Variants in STIM1 observed in about 807,000 individuals in gnomAD.
STIM1 encodes stromal interaction molecule 1.
In STIM1, 25 loss-of-function variants were observed where a neutral mutation model predicts 74.7. That is an observed-to-expected ratio of 0.33 (90% confidence interval 0.24 to 0.47). The LOEUF is 0.47. STIM1 is among the 20% of genes least tolerant of loss of function. The pLI is 1.00. For synonymous variants in STIM1, 328 were observed against 348.8 expected (o/e 0.94, Z 0.66); for missense variants, 728 against 920.8 (o/e 0.79, Z 2.71).
chr11:4,071,517 A>AT (rs1448452326), intron 6 of STIM1, among the ~76,000 whole-genome samples: 1 of 151,500 alleles, frequency 6.6e-6, no homozygotes, highest in Non-Finnish European at 1.5e-5. Flanking sequence ...TAATTTTTTT[A>AT]TTTTTTGTAG....
intron 3 of STIM1, among the ~76,000 whole-genome samples, chr11:4,051,694 T>C (rs1007969542): frequency 3.3e-5 from 5 of 152,100 alleles, no homozygotes; most frequent in Non-Finnish European, 5.9e-5. Flanking sequence ...TCACTCAGGC[T>C]AGAGTGCAGT....
At chr11:3,945,491 C>T (rs191497107) in intron 1 of STIM1, among the ~76,000 whole-genome samples, 1,594 of 152,034 alleles carry the variant, frequency 0.01, 14 homozygotes, top group Non-Finnish European at 0.018. Flanking sequence ...TCCAGCTACT[C>T]GGGAGGCTGA....
intron 12 of STIM1, among the ~76,000 whole-genome samples, chr11:4,088,268 T>C (rs556717175): frequency 6.6e-6 from 1 of 152,258 alleles, no homozygotes; most frequent in African/African-American, 2.4e-5. Context: ...CCTCTGGAAG[T>C]ACTTCTCATC....
intron 1 of STIM1, among the ~76,000 whole-genome samples, chr11:3,912,979 C>T (rs73425467): frequency 0.014 from 2,079 of 152,258 alleles, 51 homozygotes; most frequent in African/African-American, 0.048. Flanking sequence ...AGATCTACAG[C>T]ACCTTTTTTG....
chr11:4,086,378 C>T lies in STIM1; in HGVS notation c.1568-99C>T. The T allele has an allele frequency of 5.7e-6, 8 of 1,404,212 alleles. No individual in the cohort carries two copies. In the South Asian group the frequency reaches 9.8e-5, roughly 17 times the overall value. The allele number at this position is 1,404,212 out of a possible 1,614,324, so 87.0% of individuals were successfully genotyped here. On this transcript the variant is annotated intron_variant, in intron 11 of 12. Transcript: ENST00000526596. ...ATTCTCCAGATTGGCATTAGAGGCC[C>T]AGGGTGGTCTCCAGCAAGCATTTAT...
At chr11:4,061,051 A>G (rs1241187650) in intron 5 of STIM1, among the ~76,000 whole-genome samples, 1 of 152,202 alleles carries the variant, frequency 6.6e-6, no homozygotes, top group East Asian at 1.9e-4. Flanking sequence ...TGTCACCACC[A>G]TGCAAGGGGA....
chr11:3,939,914 G>A (rs1390027708), intron 1 of STIM1, among the ~76,000 whole-genome samples: 2 of 152,122 alleles, frequency 1.3e-5, no homozygotes, highest in East Asian at 1.9e-4. Context: ...GTGTGCACTC[G>A]TTAGAGATCA....
chr11:3,887,238 A>G (rs1446753458), intron 1 of STIM1, among the ~76,000 whole-genome samples: 1 of 152,132 alleles, frequency 6.6e-6, no homozygotes, highest in Non-Finnish European at 1.5e-5. Flanking sequence ...GTAAAGCAGG[A>G]TACATTCTTG....
At chr11:3,873,330 A>G (rs931130561) in intron 1 of STIM1, among the ~76,000 whole-genome samples, 13 of 150,944 alleles carry the variant, frequency 8.6e-5, no homozygotes, top group African/African-American at 2.9e-4. Context: ...AGGCAGGAGA[A>G]TCGCTTGAAC....
At chr11:3,941,461 A>G (rs1012998246) in intron 1 of STIM1, among the ~76,000 whole-genome samples, 1 of 152,178 alleles carries the variant, frequency 6.6e-6, no homozygotes. Flanking sequence ...TTTGAAAGTA[A>G]TTCTTGGTAG....
intron 5 of STIM1, among the ~76,000 whole-genome samples, chr11:4,060,193 A>G (rs1179320905): frequency 6.6e-6 from 1 of 152,160 alleles, no homozygotes; most frequent in Non-Finnish European, 1.5e-5. Context: ...CCAGCCTGTA[A>G]TCCTTTTTCT....
At chr11:4,005,517 G>T (rs553303933) in intron 2 of STIM1, among the ~76,000 whole-genome samples, 7 of 148,958 alleles carry the variant, frequency 4.7e-5, no homozygotes, top group Non-Finnish European at 1.0e-4. Flanking sequence ...ACTCATAGGT[G>T]GGAATTGAAC....
At chr11:3,901,956 C>T (rs952513653) in intron 1 of STIM1, among the ~76,000 whole-genome samples, 14 of 152,068 alleles carry the variant, frequency 9.2e-5, no homozygotes, top group African/African-American at 2.9e-4. Context: ...TTTGTAGAGA[C>T]GGGGTTTTGC....
At chr11:3,964,371 T>G (rs912886413) in intron 1 of STIM1, among the ~76,000 whole-genome samples, 1 of 152,212 alleles carries the variant, frequency 6.6e-6, no homozygotes, top group Non-Finnish European at 1.5e-5. Context: ...GACATGGTTT[T>G]TCTGTACAGG....
chr11:4,039,135 GA>G (rs987624303), intron 3 of STIM1, among the ~76,000 whole-genome samples: 7 of 151,796 alleles, frequency 4.6e-5, no homozygotes, highest in African/African-American at 9.7e-5. Context: ...AATTTTTGAT[GA>G]AAAAAAATTA....
chr11:4,082,115 AAGCATCATAC>A, intron 7 of STIM1, 59 bp from the exon 8 acceptor site: 1 of 1,504,374 alleles, frequency 6.6e-7, no homozygotes, highest in South Asian at 1.1e-5. Flanking sequence ...CTGAGTTCTG[AAGCATCATAC>A]AGAGATGTTG....
At chr11:4,027,038 C>G (rs1241850362) in intron 3 of STIM1, among the ~76,000 whole-genome samples, 1 of 152,112 alleles carries the variant, frequency 6.6e-6, no homozygotes, top group Non-Finnish European at 1.5e-5. Context: ...TAGTGACCAC[C>G]CCCCATCCTG....
chr11:3,983,926 G>A (rs958347942), intron 2 of STIM1, among the ~76,000 whole-genome samples: 1 of 151,574 alleles, frequency 6.6e-6, no homozygotes, highest in Admixed American at 6.6e-5. Flanking sequence ...GAGTACAGTG[G>A]CACAGTCTCG....
chr11:3,963,514 C>T (rs569674818), intron 1 of STIM1, among the ~76,000 whole-genome samples: 9 of 152,206 alleles, frequency 5.9e-5, no homozygotes, highest in Non-Finnish European at 1.2e-4. Flanking sequence ...ATAAAAGGGT[C>T]CTGAGACCAA....
Sources: allele counts gnomAD v4.1 joint callset (sites outside exome capture counted in the v4.1 genomes callset), GRCh38; gene constraint gnomAD v4.1.1; transcripts MANE v1.5; gene names NCBI Gene and HGNC (gene_info 2026-07-23, HGNC 2026-07-21).